Variants in GRIN2C observed in about 807,000 individuals in gnomAD.
The protein encoded by GRIN2C is glutamate ionotropic receptor NMDA type subunit 2C.
A neutral mutation model predicts 77.7 loss-of-function variants in GRIN2C; 64 were observed. The ratio of observed to expected loss-of-function variants is 0.82; its 90% confidence interval spans 0.67 to 1.01. The LOEUF (loss-of-function observed/expected upper bound fraction) is 1.01. Ranked by LOEUF, GRIN2C falls within the 50% of genes least tolerant of loss-of-function variation. The pLI is 0.00. For missense variants in GRIN2C, 1,549 were observed against 1,486.0 expected, an observed-to-expected ratio of 1.04 and a Z score of -0.70; for synonymous variants, 792 against 643.4, an observed-to-expected ratio of 1.23 and a Z score of -3.49.
upstream of GRIN2C, chr17:74,860,428 G>A (rs953747292): frequency 2.2e-6 from 1 of 456,616 alleles, no homozygotes; most frequent in Non-Finnish European, 4.4e-6. Flanking sequence ...AGGGCCTGGC[G>A]GGAATTCCCG....
intron 1 of GRIN2C, among the ~76,000 whole-genome samples, chr17:74,857,415 C>T (rs907109081): frequency 6.6e-6 from 1 of 152,170 alleles, no homozygotes; most frequent in African/African-American, 2.4e-5. Context: ...TTGAAATCTT[C>T]CCATGTGTAC....
chr17:74,842,991 A>ATCTCCGGGG lies in GRIN2C; in HGVS notation c.3145_3146insCCCCGGAGA (p.Leu1049delinsProProGluMet), dbSNP rs1555613335. On this transcript the variant is annotated protein_altering_variant, in exon 13 of 13. Coordinates refer to ENST00000293190, the MANE Select transcript of GRIN2C (RefSeq NM_000835.6). ...CGGACCGAGCAGCGGCAGGTCCTCC[A>ATCTCCGGGG]GCTCCGGGAAGAGCGGGAGGAAGGG... 2.9e-5 allele frequency: 15 copies of ATCTCCGGGG among 510,848 alleles called. No individual in the cohort carries two copies. Among genetic ancestry groups the ATCTCCGGGG allele is most frequent in the Admixed American group, 8.6e-5 (2 of 23,366 alleles). The allele number at this position is 510,848 out of a possible 1,614,324, so 31.6% of individuals were successfully genotyped here.
In GRIN2C at chr17:74,847,470, G is replaced by A; in HGVS notation, c.1839C>T (p.Asn613=). The change falls in exon 9 of 13, where the codon AAC becomes AAT. Residue 613 remains asparagine, a synonymous_variant. Coordinates refer to ENST00000293190, the MANE Select transcript of GRIN2C (RefSeq NM_000835.6). The surrounding 1 kb of genome is among the most constrained non-coding windows in gnomAD (Gnocchi z 5.2). ...VWLLWALVFN[N]SVPIENPRGT... is the part of the protein sequence containing the mutation. ...CCCGCGGGTTCTCGATGGGCACTGAGTTGTTGAAGACCAGCGCCCACAGCA... is the reference window on the plus strand; with the variant it reads ...CCCGCGGGTTCTCGATGGGCACTGAATTGTTGAAGACCAGCGCCCACAGCA... The A allele has an allele frequency of 6.2e-7, 1 of 1,614,060 alleles. No homozygotes were observed. The highest frequency in any genetic ancestry group is 8.5e-7 in the Non-Finnish European group (1 of 1,179,972).
chr17:74,848,876 G>C (rs2037541611), intron 7 of GRIN2C, among the ~76,000 whole-genome samples: 1 of 152,102 alleles, frequency 6.6e-6, no homozygotes, highest in Admixed American at 6.5e-5. Context: ...AATTAGCCAG[G>C]TGTGGCGGCA....
chr17:74,844,000 A>G (rs1567887871), intron 12 of GRIN2C: 1 of 583,702 alleles, frequency 1.7e-6, no homozygotes, highest in East Asian at 3.2e-5. Context: ...CAGCCTCCTG[A>G]GTAGCTGGGA....
Position 74,846,680 on chromosome 17 carries a change from C to G in GRIN2C, c.2162+80G>C. ...AGTCCTGCAGGACAGCCCAGTCCCA[C>G]TGTCCCCACATTGAGAGCTAAGGCT... On this transcript the variant is annotated intron_variant, in intron 10 of 12. Coordinates refer to ENST00000293190, the MANE Select transcript of GRIN2C (RefSeq NM_000835.6). This position sits in a 1 kb window ranked among gnomAD's most constrained non-coding sequence, Gnocchi z 4.4. 6.9e-7 allele frequency: 1 copy of G among 1,456,584 alleles called. No homozygotes were observed. The highest frequency in any genetic ancestry group is 1.8e-5 in the Admixed American group (1 of 55,786). The allele number at this position is 1,456,584 out of a possible 1,614,324, so 90.2% of individuals were successfully genotyped here. A position where few individuals can be genotyped will look rare whatever the true frequency, so the allele number is the denominator to read the frequency against.
chr17:74,850,741 T>C lies in GRIN2C; in HGVS notation c.1140A>G (p.Leu380=). The C allele has an allele frequency of 6.2e-7, 1 of 1,613,118 alleles. No homozygotes were observed. Among genetic ancestry groups the C allele is most frequent in the Non-Finnish European group, 8.5e-7 (1 of 1,179,920 alleles). The part of the protein sequence containing the change: ...EMVGRWEHGV[L]YMKYPVWPRY... ...GAGGCCACACGGGGTACTTCATGTA[T>C]AGGACGCCATGCTCCCAGCGCCCCA... Residue 380 remains leucine (L), a synonymous_variant, in exon 5 of 13, where the codon CTA becomes CTG. Coordinates refer to ENST00000293190, the MANE Select transcript of GRIN2C (RefSeq NM_000835.6). This position sits in a 1 kb window ranked among gnomAD's most constrained non-coding sequence, Gnocchi z 5.3.
In GRIN2C at chr17:74,852,655, C is replaced by T. The variant is rs574173312; in HGVS notation, c.400-44G>A. The T allele has an allele frequency of 4.5e-4, 406 of 909,670 alleles. 2 individuals are homozygous for T. The African/African-American group carries it at 6.8e-3, about 15-fold the overall frequency. The allele number at this position is 909,670 out of a possible 1,614,324, so 56.3% of individuals were successfully genotyped here. ...TGAGCGGGGCGGGAGGGCCGAGCCCCTCCTCCCGCCCCTTCCCCGACCTCG... is the reference window on the plus strand; with the variant it reads ...TGAGCGGGGCGGGAGGGCCGAGCCCTTCCTCCCGCCCCTTCCCCGACCTCG... On this transcript the variant is annotated intron_variant, in intron 2 of 12. Transcript: ENST00000293190.
rs1279841705 is a variant in GRIN2C at position 74,851,536 on chromosome 17, T to A, written c.1113+41A>T. 5.0e-6 allele frequency: 6 copies of A among 1,202,558 alleles called. No individual in the cohort carries two copies. The African/African-American group carries it at 9.1e-5, about 18-fold the overall frequency. The allele number at this position is 1,202,558 out of a possible 1,614,324, so 74.5% of individuals were successfully genotyped here. A position where few individuals can be genotyped will look rare whatever the true frequency, so the allele number is the denominator to read the frequency against. On this transcript the variant is annotated intron_variant, in intron 4 of 12. Transcript: ENST00000293190. ...GGCACAAGAGGAGGCGGGGACAAAA[T>A]AAGAGGACACTGAGGGCCCCTGGGC...
Position 74,846,889 on chromosome 17 carries a change from A to AAAGG in GRIN2C, c.2029_2032dup (p.Phe678SerfsTer19). 2 of 1,613,896 alleles carry AAAGG rather than the reference A, an allele frequency of 1.2e-6. No homozygotes were observed. The highest frequency in any genetic ancestry group is 1.7e-6 in the Non-Finnish European group (2 of 1,179,940). On this transcript the variant is annotated frameshift_variant, in exon 10 of 13. Coordinates refer to ENST00000293190, the MANE Select transcript of GRIN2C (RefSeq NM_000835.6). LOFTEE classifies it high-confidence loss of function. This position sits in a 1 kb window ranked among gnomAD's most constrained non-coding sequence, Gnocchi z 4.4. Reference sequence around the variant, plus strand: ...GCCGTTGGGCACCGTGCCGAAGCGGAAAGGTGGGTACTGATCTTGAGGCCG... The same window carrying AAAGG: ...GCCGTTGGGCACCGTGCCGAAGCGGAAAGGAAGGTGGGTACTGATCTTGAGGCCG...
chr17:74,854,913 C>T lies in GRIN2C; in HGVS notation c.180G>A (p.Leu60=). The T allele has an allele frequency of 6.2e-7, 1 of 1,613,542 alleles. No homozygotes were observed. The highest frequency in any genetic ancestry group is 1.1e-5 in the South Asian group (1 of 91,026). ...LTPQSFLDLP[L]EIQPLTVGVN... is the part of the protein sequence containing the mutation. ...CCCCAACTGTGAGCGGCTGGATCTC[C>T]AGGGGTAGGTCCAGGAAGCTCTGGG... Residue 60 remains leucine, a synonymous_variant, in exon 2 of 13, where the codon CTG becomes CTA. Coordinates refer to ENST00000293190, the MANE Select transcript of GRIN2C (RefSeq NM_000835.6).
chr17:74,857,608 C>T (rs1172120317), intron 1 of GRIN2C, among the ~76,000 whole-genome samples: 2 of 152,208 alleles, frequency 1.3e-5, no homozygotes, highest in Non-Finnish European at 2.9e-5. Flanking sequence ...TCCCCTTGCA[C>T]GGCCTCTGTC....
intron 2 of GRIN2C, chr17:74,853,559 G>C (rs1395458113): frequency 6.6e-6 from 1 of 152,132 alleles, no homozygotes; most frequent in Non-Finnish European, 1.5e-5. Flanking sequence ...GTGGTTTTAC[G>C]TTCTTAAGCC....
intron 2 of GRIN2C, 157 bp downstream of exon 2, chr17:74,854,537 T>C: frequency 1.6e-6 from 1 of 614,048 alleles, no homozygotes; most frequent in Non-Finnish European, 2.9e-6. Context: ...ACATGGGATG[T>C]CATTCCCATA....
Position 74,846,237 on chromosome 17 carries a change from T to G in GRIN2C, c.2179A>C (p.Ile727Leu). 6.2e-7 allele frequency: 1 copy of G among 1,614,082 alleles called. No individual in the cohort carries two copies. ...TAGTTGAGGACAGCAGCATCATAGA[T>G]GAAGGCATCCAGCTTCCTGGGGACA... The part of the protein sequence containing the change: ...SLKMGKLDAF[I>L]YDAAVLNYMA... The change falls in exon 11 of 13, where the codon ATC becomes CTC. Residue 727 changes from isoleucine (I) to leucine (L), a missense_variant. Physicochemically the swap from Ile to Leu is conservative, Grantham distance 5. Around this residue, in one of 3 missense-constraint regions of GRIN2C, gnomAD observed 717 missense variants for 858.1 expected, o/e 0.84. Transcript: ENST00000293190. This position sits in a 1 kb window ranked among gnomAD's most constrained non-coding sequence, Gnocchi z 4.4.
At position 74,842,636 on chromosome 17, in the gene GRIN2C, G is replaced by A. The variant is rs752479477; in HGVS notation, c.3501C>T (p.His1167=). 2 of 754,386 alleles carry A rather than the reference G, an allele frequency of 2.7e-6. No homozygotes were observed. Among genetic ancestry groups the A allele is most frequent in the Non-Finnish European group, 4.9e-6 (2 of 405,362 alleles). 46.7% of individuals were successfully genotyped at this position (754,386 alleles called of 1,614,324 possible). A position where few individuals can be genotyped will look rare whatever the true frequency, so the allele number is the denominator to read the frequency against. The change falls in exon 13 of 13, where the codon CAC becomes CAT. Residue 1167 remains histidine (H), a synonymous_variant. Transcript: ENST00000293190. ...LPFCWGAVCP[H]LPPCASHGSW... is the part of the protein sequence containing the mutation. ...AGCCGTGGCTGGCACAGGGTGGAAG[G>A]TGAGGACAGACAGCCCCCCAGCAAA...
At position 74,851,558 on chromosome 17, in the gene GRIN2C, G is replaced by A. The variant is rs1052486320; in HGVS notation, c.1113+19C>T. 32 of 1,464,846 alleles carry A rather than the reference G, an allele frequency of 2.2e-5. No individual in the cohort carries two copies. Among genetic ancestry groups the A allele is most frequent in the Non-Finnish European group, 2.9e-5 (31 of 1,067,458 alleles). The allele number at this position is 1,464,846 out of a possible 1,614,324, so 90.7% of individuals were successfully genotyped here. A position where few individuals can be genotyped will look rare whatever the true frequency, so the allele number is the denominator to read the frequency against. On this transcript the variant is annotated intron_variant, in intron 4 of 12. Coordinates refer to ENST00000293190, the MANE Select transcript of GRIN2C (RefSeq NM_000835.6). Reference sequence around the variant, plus strand: ...AAATAAGAGGACACTGAGGGCCCCTGGGCTCACCCCCTTCTCACCATCTCC... The same window carrying A: ...AAATAAGAGGACACTGAGGGCCCCTAGGCTCACCCCCTTCTCACCATCTCC...
rs1311505275 is a variant in GRIN2C, at chr17:74,847,593, TCAGGGCTCAGCCCACCCGACTGCA to T, written c.1772-80_1772-57del. Reference sequence around the variant, plus strand: ...CTCCTCCTGCCCACCATGAAAGGGCTCAGGGCTCAGCCCACCCGACTGCACAGCTCCGGTCTCAGCCTGGCCTTG... The same window carrying T: ...CTCCTCCTGCCCACCATGAAAGGGCTCAGCTCCGGTCTCAGCCTGGCCTTG... On this transcript the variant is annotated intron_variant, in intron 8 of 12. Coordinates refer to ENST00000293190, the MANE Select transcript of GRIN2C (RefSeq NM_000835.6). This position sits in a 1 kb window ranked among gnomAD's most constrained non-coding sequence, Gnocchi z 5.2. 9.9e-6 allele frequency: 13 copies of T among 1,307,296 alleles called. No individual in the cohort carries two copies. In the East Asian group the frequency reaches 3.2e-4, roughly 32 times the overall value. The allele number at this position is 1,307,296 out of a possible 1,614,324, so 81.0% of individuals were successfully genotyped here. A position where few individuals can be genotyped will look rare whatever the true frequency, so the allele number is the denominator to read the frequency against.
intron 3 of GRIN2C, 133 bp downstream of exon 3, chr17:74,851,880 A>G (rs2037656782): frequency 1.5e-5 from 11 of 732,672 alleles, no homozygotes; most frequent in Middle Eastern, 7.8e-4. Context: ...ACTAAGGCCC[A>G]GACAGGTGGG....
Sources: allele counts gnomAD v4.1 joint callset (sites outside exome capture counted in the v4.1 genomes callset), GRCh38; gene constraint gnomAD v4.1.1; regional missense constraint gnomAD v4.1.1; non-coding constraint Gnocchi (gnomAD v3.1); transcripts MANE v1.5; gene names NCBI Gene and HGNC (gene_info 2026-07-23, HGNC 2026-07-21).